TIGD6: variants seen among roughly 807,000 people sequenced by gnomAD.
TIGD6 encodes tigger transposable element derived 6, also known as tigger transposable element-derived protein 6.
TIGD6 carries 1 observed loss-of-function variant against 2.6 expected under a neutral mutation model. The observed-to-expected ratio is 0.39, with a 90% CI of 0.14 to 1.85. The LOEUF (loss-of-function observed/expected upper bound fraction) is 1.85, where lower values mean the gene tolerates loss of function less well. Ranked by LOEUF, TIGD6 falls within the 40% of genes most tolerant of loss-of-function variation. The probability of loss-of-function intolerance (pLI) is 0.32; values close to 1 mark genes in which losing one functional copy is unlikely to be tolerated. For missense variants in TIGD6, 601 were observed against 634.2 expected (o/e 0.95, Z 0.56); for synonymous variants, 193 against 221.9 (o/e 0.87, Z 1.16).
In TIGD6 at chr5:149,994,229, C is replaced by T. The variant is rs1392940462; in HGVS notation, c.*554G>A. On this transcript the variant is annotated 3_prime_UTR_variant, in exon 2 of 2. Coordinates refer to ENST00000296736, the MANE Select transcript of TIGD6 (RefSeq NM_030953.4). ...CAAATTTTTGGGTCCCACCTGAGGT[C>T]TACTGTATCAAACTCTGGGGGTGGG... 6.6e-6 allele frequency: 1 copy of T among 152,204 alleles called. No individual in the cohort carries two copies. Among genetic ancestry groups the T allele is most frequent in the African/African-American group, 2.4e-5 (1 of 41,434 alleles). 9.4% of individuals were successfully genotyped at this position (152,204 alleles called of 1,614,324 possible).
Position 149,994,775 on chromosome 5 carries a change from T to G in TIGD6, c.*8A>C. The G allele has an allele frequency of 6.6e-7, 1 of 1,506,078 alleles. No homozygotes were observed. The highest frequency in any genetic ancestry group is 8.9e-7 in the Non-Finnish European group (1 of 1,128,352). 93.3% of individuals were successfully genotyped at this position (1,506,078 alleles called of 1,614,324 possible). On this transcript the variant is annotated 3_prime_UTR_variant, in exon 2 of 2. Coordinates refer to ENST00000296736, the MANE Select transcript of TIGD6 (RefSeq NM_030953.4). ...TGTAAACTACATTTTCTGAAATAAA[T>G]TCCTGCATTATTTTGTTTGGAGGAA...
Position 149,995,737 on chromosome 5 carries a change from C to A in TIGD6, c.612G>T (p.Lys204Asn), listed in dbSNP as rs1340159637. Residue 204 changes from lysine (K) to asparagine (N), a missense_variant, in exon 2 of 2, where the codon AAG becomes AAT. Coordinates refer to ENST00000296736, the MANE Select transcript of TIGD6 (RefSeq NM_030953.4). ...GTGCTGTCAACCGCTGCTTTGCTTT[C>A]TTGCCCCCTCTACAGTGGTCTCCTT... is the stretch of plus-strand genomic sequence containing the variant. ...AAKGDHCRGG[K>N]KAKQRLTALF... The A allele has an allele frequency of 5.0e-6, 8 of 1,614,134 alleles. No individual in the cohort carries two copies. The East Asian group carries it at 1.1e-4, about 22-fold the overall frequency.
intron 1 of TIGD6, among the ~76,000 whole-genome samples, chr5:149,997,998 C>T (rs542014540): frequency 7.2e-5 from 11 of 152,130 alleles, no homozygotes; most frequent in South Asian, 2.1e-4. Flanking sequence ...GGTGTGGTGG[C>T]GCATGCCTGT....
In TIGD6 at chr5:149,995,661, C is replaced by T. The variant is rs1755365738; in HGVS notation, c.688G>A (p.Gly230Ser). ...GTEKMRPLIV[G>S]RSASPHCLKN... ...AGGCAGTGTGGGCTGGCTGACCTAC[C>T]AACAATCAATGGTCTCATTTTTTCA... The change falls in exon 2 of 2, where the codon GGT (glycine) becomes AGT (serine). Residue 230 changes from glycine to serine, a missense_variant. Transcript: ENST00000296736. The T allele has an allele frequency of 1.2e-6, 2 of 1,614,078 alleles. No homozygotes were observed. Among genetic ancestry groups the T allele is most frequent in the South Asian group, 1.1e-5 (1 of 91,078 alleles).
intron 1 of TIGD6, among the ~76,000 whole-genome samples, chr5:149,996,755 G>A (rs1296461607): frequency 6.6e-6 from 1 of 152,252 alleles, no homozygotes; most frequent in Non-Finnish European, 1.5e-5. Flanking sequence ...TACATTCCGA[G>A]TTATTCTCCA....
rs1440221902 is a variant in TIGD6, at chr5:149,994,910, A to G, written c.1439T>C (p.Leu480Pro). The change falls in exon 2 of 2, where the codon CTT becomes CCT. Residue 480 changes from leucine (L) to proline (P), a missense_variant. By Grantham distance (98) the Leu-to-Pro change is moderately conservative. Coordinates refer to ENST00000296736, the MANE Select transcript of TIGD6 (RefSeq NM_030953.4). ...ATCAGGAATGTCTACACAAGTGGAAAGGAACTGTCTAAGTTTCTGTACACT... is the reference window on the plus strand; with the variant it reads ...ATCAGGAATGTCTACACAAGTGGAAGGGAACTGTCTAAGTTTCTGTACACT... ...ISSVQKLRQF[L>P]STCVDIPDAI... 1.2e-6 allele frequency: 2 copies of G among 1,612,496 alleles called. No individual in the cohort carries two copies. The highest frequency in any genetic ancestry group is 3.3e-4 in the Middle Eastern group (2 of 6,056).
chr5:149,996,431 T>C lies in TIGD6; in HGVS notation c.-81-2A>G, dbSNP rs577738271. On this transcript the variant is annotated splice_acceptor_variant, in intron 1 of 1. Coordinates refer to ENST00000296736, the MANE Select transcript of TIGD6 (RefSeq NM_030953.4). LOFTEE classifies it low-confidence loss of function (5UTR_SPLICE). ...TTGCTTTGCCCCAAGTGTGGAAAGC[T>C]GAGAAGACAAAATGGAGTACCTATC... 7.6e-5 allele frequency: 115 copies of C among 1,505,564 alleles called. 1 individual carries two copies. The highest frequency in any genetic ancestry group is 2.3e-4 in the Middle Eastern group (1 of 4,274). 93.3% of individuals were successfully genotyped at this position (1,505,564 alleles called of 1,614,324 possible).
At chr5:149,996,534 A>G in intron 1 of TIGD6, 105 bp from the exon 2 acceptor site, 1 of 784,662 alleles carries the variant, frequency 1.3e-6, no homozygotes, top group Non-Finnish European at 1.9e-6. Flanking sequence ...TTACAGTCAA[A>G]GTAAAGAAAA....
At chr5:149,996,912 C>G (rs937886874) in intron 1 of TIGD6, among the ~76,000 whole-genome samples, 2 of 152,312 alleles carry the variant, frequency 1.3e-5, no homozygotes, top group South Asian at 4.1e-4. Context: ...AAAGCTCTAC[C>G]ACCATCTGGC....
rs200519273 is a variant in TIGD6, at chr5:149,994,836, C to T, written c.1513G>A (p.Val505Met). Reference protein sequence around the residue: ...NGIDEYLMKRVTQTLIDSKIT... With the variant: ...NGIDEYLMKRMTQTLIDSKIT... ...TTGGAATCAATAAGGGTTTGTGTCA[C>T]TCTTTTCATTAAATATTCATCTATG... Residue 505 changes from valine to methionine, a missense_variant, in exon 2 of 2, where the codon GTG (valine) becomes ATG (methionine). Transcript: ENST00000296736. 165 of 1,574,294 alleles carry T rather than the reference C, an allele frequency of 1.0e-4. No homozygotes were observed. The African/African-American group carries it at 1.9e-3, about 18-fold the overall frequency.
rs146731773 is a variant in TIGD6, at chr5:149,996,151, C to T, written c.198G>A (p.Gln66=). The T allele has an allele frequency of 3.7e-6, 6 of 1,610,008 alleles. No individual in the cohort carries two copies. In the African/African-American group the frequency reaches 8.5e-5, roughly 23 times the overall value. Residue 66 remains glutamine (Q), a synonymous_variant, in exon 2 of 2, where the codon CAG becomes CAA. Coordinates refer to ENST00000296736, the MANE Select transcript of TIGD6 (RefSeq NM_030953.4). The part of the protein sequence containing the change: ...EKVREASVGP[Q]RKRMRSALYD... ...AAAGAGCGCTCCTCATCCTTTTCCG[C>T]TGGGGTCCCACGGATGCCTCCCGCA...
chr5:149,999,231 C>T (rs1755475078), intron 1 of TIGD6, among the ~76,000 whole-genome samples: 1 of 152,106 alleles, frequency 6.6e-6, no homozygotes, highest in Non-Finnish European at 1.5e-5. Flanking sequence ...ACAATATAGT[C>T]TTTTGGTTGC....
intron 1 of TIGD6, among the ~76,000 whole-genome samples, chr5:149,997,671 C>T (rs1385537936): frequency 6.6e-6 from 1 of 151,592 alleles, no homozygotes; most frequent in Non-Finnish European, 1.5e-5. Flanking sequence ...TCAAAGATGC[C>T]ATGGTAGGCT....
Position 149,995,713 on chromosome 5 carries a change from T to C in TIGD6, c.636A>G (p.Ala212=). Reference sequence around the variant, plus strand: ...TCCCCGAGGCATTGCAACAAAAGAGTGCTGTCAACCGCTGCTTTGCTTTCT... The same window carrying C: ...TCCCCGAGGCATTGCAACAAAAGAGCGCTGTCAACCGCTGCTTTGCTTTCT... ...GGKKAKQRLT[A]LFCCNASGTE... is the part of the protein sequence containing the mutation. The change falls in exon 2 of 2, where the codon GCA becomes GCG. Residue 212 remains alanine (A), a synonymous_variant. Transcript: ENST00000296736. The C allele has an allele frequency of 6.2e-7, 1 of 1,614,104 alleles. No individual in the cohort carries two copies. Among genetic ancestry groups the C allele is most frequent in the Non-Finnish European group, 8.5e-7 (1 of 1,180,022 alleles).
At position 149,995,683 on chromosome 5, in the gene TIGD6, T is replaced by G. The variant is rs1321301105; in HGVS notation, c.666A>C (p.Glu222Asp). Residue 222 changes from glutamate (E) to aspartate (D), a missense_variant, in exon 2 of 2, where the codon GAA becomes GAC. Transcript: ENST00000296736. ...TACCAACAATCAATGGTCTCATTTT[T>G]TCAGTCCCCGAGGCATTGCAACAAA... ...ALFCCNASGT[E>D]KMRPLIVGRS... is the part of the protein sequence containing the mutation. 1.2e-6 allele frequency: 2 copies of G among 1,614,230 alleles called. No homozygotes were observed. Among genetic ancestry groups the G allele is most frequent in the Non-Finnish European group, 1.7e-6 (2 of 1,180,042 alleles).
In TIGD6 at chr5:149,995,139, T is replaced by C; in HGVS notation, c.1210A>G (p.Thr404Ala). The change falls in exon 2 of 2, where the codon ACA (threonine) becomes GCA (alanine). Residue 404 changes from threonine (T) to alanine (A), a missense_variant. By Grantham distance (58) the Thr-to-Ala change is moderately conservative (BLOSUM62 0). Coordinates refer to ENST00000296736, the MANE Select transcript of TIGD6 (RefSeq NM_030953.4). The stretch of plus-strand genomic sequence containing the variant: ...GGGACACAGGTGGCAATAGCCACTG[T>C]GTGCCACAACTTTTCAATGGCAATG... ...PDIAIEKLWHTVAIATCVPNE... is the reference protein window; with the variant it reads ...PDIAIEKLWHAVAIATCVPNE... 1 of 1,614,252 alleles carries C rather than the reference T, an allele frequency of 6.2e-7. No individual in the cohort carries two copies. Among genetic ancestry groups the C allele is most frequent in the East Asian group, 2.2e-5 (1 of 44,890 alleles).
At position 149,995,696 on chromosome 5, in the gene TIGD6, G is replaced by T. The variant is rs202201981; in HGVS notation, c.653C>A (p.Ala218Asp). Residue 218 changes from alanine to aspartate, a missense_variant, in exon 2 of 2, where the codon GCC becomes GAC. Ala to Asp is a moderately radical substitution (Grantham distance 126). Coordinates refer to ENST00000296736, the MANE Select transcript of TIGD6 (RefSeq NM_030953.4). ...QRLTALFCCN[A>D]SGTEKMRPLI... ...TGGTCTCATTTTTTCAGTCCCCGAGGCATTGCAACAAAAGAGTGCTGTCAA... is the reference window on the plus strand; with the variant it reads ...TGGTCTCATTTTTTCAGTCCCCGAGTCATTGCAACAAAAGAGTGCTGTCAA... The T allele has an allele frequency of 4.3e-6, 7 of 1,614,210 alleles. No individual in the cohort carries two copies. Among genetic ancestry groups the T allele is most frequent in the Non-Finnish European group, 8.5e-7 (1 of 1,180,046 alleles).
rs148901577 is a variant in TIGD6, at chr5:149,994,596, G to C, written c.*187C>G. 1.5e-5 allele frequency: 8 copies of C among 526,720 alleles called. No individual in the cohort carries two copies. The highest frequency in any genetic ancestry group is 9.9e-5 in the African/African-American group (5 of 50,626). 32.6% of individuals were successfully genotyped at this position (526,720 alleles called of 1,614,324 possible). On this transcript the variant is annotated 3_prime_UTR_variant, in exon 2 of 2. Transcript: ENST00000296736. ...AAAATACATCTTGAATCAAGGACCA[G>C]AGACAGCCAAAAACAAAAGAAAAGA... is the stretch of plus-strand genomic sequence containing the variant.
intron 1 of TIGD6, among the ~76,000 whole-genome samples, chr5:149,996,823 C>A (rs548168195): frequency 6.6e-6 from 1 of 152,368 alleles, no homozygotes; most frequent in Admixed American, 6.5e-5. Flanking sequence ...CGGGTTCATG[C>A]AGCTTAGATT....
Sources: gnomAD v4.1 joint callset for allele counts (sites outside exome capture counted in the v4.1 genomes callset) on GRCh38, gnomAD v4.1.1 for gene constraint, MANE v1.5 for transcripts, NCBI Gene and HGNC (gene_info 2026-07-23, HGNC 2026-07-21) for gene names.